SAMD4A: variants seen among roughly 807,000 people sequenced by gnomAD.
SAMD4A encodes the protein sterile alpha motif domain containing 4A.
SAMD4A carries 33 observed loss-of-function variants against 81.3 expected under a neutral mutation model. That is an observed-to-expected ratio of 0.41 (90% CI 0.31 to 0.54). The LOEUF (loss-of-function observed/expected upper bound fraction) is 0.54. SAMD4A is among the 20% of genes least tolerant of loss of function. The pLI, the probability that SAMD4A is intolerant of heterozygous loss-of-function variation, is 0.37. For missense variants in SAMD4A, 854 were observed against 951.1 expected, an observed-to-expected ratio of 0.90 and a Z score of 1.34; for synonymous variants, 389 against 382.1, an observed-to-expected ratio of 1.02 and a Z score of -0.21.
intron 4 of SAMD4A, among the ~76,000 whole-genome samples, chr14:54,742,031 G>T (rs2037855677): frequency 6.6e-6 from 1 of 152,186 alleles, no homozygotes; most frequent in South Asian, 2.1e-4. Context: ...GACCTTCAAA[G>T]CAGAGTGGAA....
rs2035175895 is a variant in SAMD4A at position 54,641,630 on chromosome 14, T to G, written c.197-60432T>G. On this transcript the variant is annotated intron_variant, in intron 2 of 12. Coordinates refer to ENST00000554335, the MANE Select transcript of SAMD4A (RefSeq NM_015589.6). ...CATTGCAGACCCAGAGAGTACATATTTTGCTTAAGACAACCCACCATTAAG... is the reference window on the plus strand; with the variant it reads ...CATTGCAGACCCAGAGAGTACATATGTTGCTTAAGACAACCCACCATTAAG... Among the ~76,000 whole-genome samples, 3 of 152,308 alleles carry G rather than the reference T, an allele frequency of 2.0e-5. No homozygotes were observed. In the South Asian group the frequency reaches 6.2e-4, roughly 32 times the overall value.
intron 4 of SAMD4A, among the ~76,000 whole-genome samples, chr14:54,744,130 G>A (rs897499241): frequency 2.0e-5 from 3 of 152,186 alleles, no homozygotes; most frequent in Non-Finnish European, 4.4e-5. Flanking sequence ...CCACCCCTAC[G>A]TGAGCCCTTG....
At position 54,784,327 on chromosome 14, in the gene SAMD4A, C is replaced by T. The variant is rs576842869; in HGVS notation, c.2045-210C>T. On this transcript the variant is annotated intron_variant, in intron 11 of 12. Transcript: ENST00000554335. ...GACATGACCAGCTATTTTTAGTCTC[C>T]GTTTTGTTCCAGGTTCCCAAGTTCA... 2.2e-5 allele frequency: 34 copies of T among 1,546,842 alleles called. 1 individual carries two copies. The highest frequency in any genetic ancestry group is 1.7e-4 in the South Asian group (14 of 84,160).
chr14:54,611,425 A>T (rs2140266690), intron 2 of SAMD4A, among the ~76,000 whole-genome samples: 1 of 152,326 alleles, frequency 6.6e-6, no homozygotes, highest in South Asian at 2.1e-4. Context: ...CCACTTAATC[A>T]GCCTTTACAT....
At chr14:54,612,660 T>C (rs2034389160) in intron 2 of SAMD4A, among the ~76,000 whole-genome samples, 1 of 152,228 alleles carries the variant, frequency 6.6e-6, no homozygotes, top group South Asian at 2.1e-4. Context: ...ACAAGAAGAC[T>C]GAAAAACATC....
At chr14:54,637,387 AGAG>A (rs1332438357) in intron 2 of SAMD4A, among the ~76,000 whole-genome samples, 1 of 145,738 alleles carries the variant, frequency 6.9e-6, no homozygotes, top group Non-Finnish European at 1.5e-5. Flanking sequence ...AAAAAAAAAA[AGAG>A]GCAAGAAGAA....
In SAMD4A at chr14:54,789,254, G is replaced by A. The variant is rs754362585; in HGVS notation, c.*310G>A. On this transcript the variant is annotated 3_prime_UTR_variant, in exon 13 of 13. Coordinates refer to ENST00000554335, the MANE Select transcript of SAMD4A (RefSeq NM_015589.6). ...ATGCAGGTAGCTCTCTGGATGGAAC[G>A]GGGACAGGGGAAAGAGTACTGCCAT... 1.1e-4 allele frequency: 52 copies of A among 480,774 alleles called. No individual in the cohort carries two copies. Among genetic ancestry groups the A allele is most frequent in the Non-Finnish European group, 1.7e-4 (44 of 264,350 alleles). The allele number at this position is 480,774 out of a possible 1,614,324, so 29.8% of individuals were successfully genotyped here.
In SAMD4A at chr14:54,770,131, T is replaced by C. The variant is rs939483606; in HGVS notation, c.1624T>C (p.Leu542=). The part of the protein sequence containing the change: ...EAFTETQKKR[L]LSWKQQVQKL... ...ATTTACAGAGACACAGAAAAAAAGATTGTTGTCATGGAAACAGCAGGTGCA... is the reference window on the plus strand; with the variant it reads ...ATTTACAGAGACACAGAAAAAAAGACTGTTGTCATGGAAACAGCAGGTGCA... Residue 542 remains leucine (L), a synonymous_variant, in exon 9 of 13, where the codon TTG becomes CTG. Coordinates refer to ENST00000554335, the MANE Select transcript of SAMD4A (RefSeq NM_015589.6). The C allele has an allele frequency of 3.1e-5, 50 of 1,613,982 alleles. No individual in the cohort carries two copies. Among genetic ancestry groups the C allele is most frequent in the Non-Finnish European group, 3.8e-5 (45 of 1,179,924 alleles).
intron 2 of SAMD4A, chr14:54,681,768 T>C: frequency 3.0e-6 from 3 of 984,668 alleles, no homozygotes; most frequent in Non-Finnish European, 3.6e-6. Context: ...AGTTTTTTGA[T>C]GGAGCCCCAA....
At chr14:54,778,826 A>G (rs1353092379) in intron 11 of SAMD4A, among the ~76,000 whole-genome samples, 2 of 152,190 alleles carry the variant, frequency 1.3e-5, no homozygotes, top group South Asian at 2.1e-4. Context: ...CTTCCAGGAC[A>G]TGCATAAAGG....
intron 2 of SAMD4A, among the ~76,000 whole-genome samples, chr14:54,614,958 C>T (rs1052661964): frequency 9.2e-5 from 14 of 152,260 alleles, no homozygotes; most frequent in Middle Eastern, 3.4e-3. Flanking sequence ...CTTACTGCAC[C>T]ATCTTTCTTT....
At chr14:54,664,498 C>T (rs1009416646) in intron 2 of SAMD4A, among the ~76,000 whole-genome samples, 3 of 152,108 alleles carry the variant, frequency 2.0e-5, no homozygotes, top group Admixed American at 1.3e-4. Context: ...ACATGCTCAT[C>T]GGGACACAGA....
At chr14:54,624,955 A>G (rs1441616507) in intron 2 of SAMD4A, among the ~76,000 whole-genome samples, 1 of 152,224 alleles carries the variant, frequency 6.6e-6, no homozygotes, top group East Asian at 1.9e-4. Flanking sequence ...TTTGAAATAC[A>G]TATCTGGAAT....
At chr14:54,720,609 G>C (rs1190411135) in intron 3 of SAMD4A, among the ~76,000 whole-genome samples, 1 of 152,164 alleles carries the variant, frequency 6.6e-6, no homozygotes, top group Admixed American at 6.6e-5. Flanking sequence ...CCTAGGGCCT[G>C]TTAGGAGTAA....
At chr14:54,687,634 C>A (rs1311789274) in intron 2 of SAMD4A, among the ~76,000 whole-genome samples, 1 of 152,092 alleles carries the variant, frequency 6.6e-6, no homozygotes, top group African/African-American at 2.4e-5. Context: ...CTATAAAAGG[C>A]AGCCAGGTCC....
chr14:54,649,159 G>A (rs1244540197), intron 2 of SAMD4A, among the ~76,000 whole-genome samples: 1 of 152,196 alleles, frequency 6.6e-6, no homozygotes, highest in African/African-American at 2.4e-5. Flanking sequence ...ATGCCCGTTA[G>A]ATGTCCTAGT....
intron 2 of SAMD4A, among the ~76,000 whole-genome samples, chr14:54,678,641 C>T (rs954439904): frequency 4.7e-5 from 7 of 148,088 alleles, no homozygotes; most frequent in African/African-American, 7.9e-5. Flanking sequence ...CTCCGCCTCC[C>T]GGGTTCACGC....
At chr14:54,697,149 C>T (rs1232220482) in intron 2 of SAMD4A, among the ~76,000 whole-genome samples, 2 of 152,188 alleles carry the variant, frequency 1.3e-5, no homozygotes, top group Admixed American at 1.3e-4. Context: ...GTGACCAAGT[C>T]CCTGCATGTA....
At chr14:54,769,747 A>G (rs1325811124) in intron 8 of SAMD4A, among the ~76,000 whole-genome samples, 1 of 152,234 alleles carries the variant, frequency 6.6e-6, no homozygotes, top group Non-Finnish European at 1.5e-5. Context: ...GGGGGCCTGC[A>G]AAAGCCAGAG....
Sources: allele counts gnomAD v4.1 joint callset (sites outside exome capture counted in the v4.1 genomes callset), GRCh38; gene constraint gnomAD v4.1.1; transcripts MANE v1.5; gene names NCBI Gene and HGNC (gene_info 2026-07-23, HGNC 2026-07-21).